Variants in PARD3B observed in about 807,000 individuals in gnomAD.
PARD3B encodes the protein par-3 family cell polarity regulator beta.
PARD3B carries 103 observed loss-of-function variants against 130.2 expected under a neutral mutation model. The ratio of observed to expected loss-of-function variants is 0.79; its 90% CI spans 0.67 to 0.93. The LOEUF is 0.93. PARD3B is among the 40% of genes least tolerant of loss of function. PARD3B has a pLI of 0.00. For missense variants in PARD3B, 1,609 were observed against 1,499.2 expected, an observed-to-expected ratio of 1.07 and a Z score of -1.21; for synonymous variants, 583 against 553.2, an observed-to-expected ratio of 1.05 and a Z score of -0.76.
intron 1 of PARD3B, among the ~76,000 whole-genome samples, chr2:204,586,367 G>A (rs1418182890): frequency 6.6e-6 from 1 of 152,170 alleles, no homozygotes; most frequent in Non-Finnish European, 1.5e-5. Context: ...GAAGACCTAT[G>A]TCTATTTTAA....
chr2:204,746,639 C>T (rs1255059926), intron 2 of PARD3B, among the ~76,000 whole-genome samples: 5 of 152,094 alleles, frequency 3.3e-5, no homozygotes, highest in Admixed American at 1.3e-4. Context: ...CTCTCCAGCA[C>T]CTGTTGTTTC....
At chr2:204,553,560 GTA>G (rs1241881286) in intron 1 of PARD3B, among the ~76,000 whole-genome samples, 149 of 66,148 alleles carry the variant, frequency 2.3e-3, no homozygotes, top group African/African-American at 3.1e-3. Flanking sequence ...GTGTGTGTGT[GTA>G]TATATATATA....
intron 1 of PARD3B, among the ~76,000 whole-genome samples, chr2:204,550,282 T>C (rs2030350128): frequency 6.6e-6 from 1 of 152,270 alleles, no homozygotes; most frequent in Admixed American, 6.5e-5. Context: ...TGTTATACTA[T>C]ACTGTTTAGG....
rs56071229 is a variant in PARD3B, at chr2:205,325,526, TTAG to T, written c.2630+23845_2630+23847del. Among the ~76,000 whole-genome samples, 63 of 150,522 alleles carry T rather than the reference TTAG, an allele frequency of 4.2e-4. No individual in the cohort carries two copies. The highest frequency in any genetic ancestry group is 6.1e-4 in the Non-Finnish European group (41 of 67,628). On this transcript the variant is annotated intron_variant, in intron 18 of 22. Coordinates refer to ENST00000406610, the MANE Select transcript of PARD3B (RefSeq NM_001302769.2). The surrounding 1 kb of genome is among the most constrained non-coding windows in gnomAD (Gnocchi z 4.1). ...TTTACTAATATCATCTCATTGTTTA[TTAG>T]TAGTAGTAGTAGTAGTAGTCTCAGA...
intron 2 of PARD3B, among the ~76,000 whole-genome samples, chr2:204,809,462 AG>A (rs1347725394): frequency 6.6e-6 from 1 of 152,126 alleles, no homozygotes; most frequent in Non-Finnish European, 1.5e-5. Flanking sequence ...ATATGATATA[AG>A]GAAATGGTCC....
In PARD3B at chr2:205,300,524, T is replaced by C. The variant is rs1447208346; in HGVS notation, c.2186-6T>C. On this transcript the variant is annotated splice_region_variant and splice_polypyrimidine_tract_variant and intron_variant, in intron 16 of 22. Transcript: ENST00000406610. This position sits in a 1 kb window ranked among gnomAD's most constrained non-coding sequence, Gnocchi z 4.1. ...GAGGGGTGACCTTTTGCCCTTTCTTTTCCAGAATCTCCAAGCAAAGATTTT... is the reference window on the plus strand; with the variant it reads ...GAGGGGTGACCTTTTGCCCTTTCTTCTCCAGAATCTCCAAGCAAAGATTTT... 1 of 1,611,522 alleles carries C rather than the reference T, an allele frequency of 6.2e-7. No homozygotes were observed. The highest frequency in any genetic ancestry group is 1.7e-5 in the Admixed American group (1 of 60,008).
intron 1 of PARD3B, among the ~76,000 whole-genome samples, chr2:204,655,528 T>C (rs1482821917): frequency 2.0e-5 from 3 of 152,192 alleles, no homozygotes; most frequent in Non-Finnish European, 2.9e-5. Context: ...TTAGAATGTT[T>C]TCTGAAATTA....
chr2:204,726,546 C>T (rs141225028), intron 2 of PARD3B, among the ~76,000 whole-genome samples: 6 of 152,270 alleles, frequency 3.9e-5, no homozygotes, highest in East Asian at 1.9e-4. Flanking sequence ...AAGCCCCAAC[C>T]GCATCTCTAA....
chr2:205,401,473 A>G (rs1489788712), intron 19 of PARD3B, among the ~76,000 whole-genome samples: 1 of 152,052 alleles, frequency 6.6e-6, no homozygotes, highest in African/African-American at 2.4e-5. Context: ...TCTGTTCCTA[A>G]TTTTAGTCAG....
intron 20 of PARD3B, among the ~76,000 whole-genome samples, chr2:205,488,602 G>A (rs186309549): frequency 1.3e-5 from 2 of 152,246 alleles, no homozygotes; most frequent in Non-Finnish European, 2.9e-5. Context: ...TCCCTTGGTT[G>A]AGCATCAGCT....
intron 2 of PARD3B, among the ~76,000 whole-genome samples, chr2:204,744,983 G>C (rs1446930094): frequency 6.6e-6 from 1 of 152,138 alleles, no homozygotes; most frequent in Non-Finnish European, 1.5e-5. Context: ...GTTGACAAGT[G>C]AGAGAGTAGA....
intron 16 of PARD3B, among the ~76,000 whole-genome samples, chr2:205,285,356 C>T (rs2041353214): frequency 6.6e-6 from 1 of 152,092 alleles, no homozygotes; most frequent in African/African-American, 2.4e-5. Context: ...GGTACTGAGG[C>T]AATACCCACT....
At chr2:205,599,945 C>T (rs1025689534) in intron 22 of PARD3B, among the ~76,000 whole-genome samples, 4 of 152,120 alleles carry the variant, frequency 2.6e-5, no homozygotes, top group African/African-American at 4.8e-5. Flanking sequence ...TGCTTTCATC[C>T]GAGAGTGTGA....
At chr2:204,739,714 C>A (rs890157226) in intron 2 of PARD3B, among the ~76,000 whole-genome samples, 3 of 152,074 alleles carry the variant, frequency 2.0e-5, no homozygotes, top group Non-Finnish European at 4.4e-5. Context: ...TGCTCCCAAA[C>A]TGCAGGGATT....
intron 13 of PARD3B, among the ~76,000 whole-genome samples, chr2:205,182,262 A>G (rs1203868829): frequency 1.3e-5 from 2 of 152,018 alleles, no homozygotes; most frequent in Non-Finnish European, 2.9e-5. Context: ...ACTGCACTCC[A>G]GCCTGGGTGA....
At position 204,950,208 on chromosome 2, in the gene PARD3B, A is replaced by AT. The variant is rs1410205289; in HGVS notation, c.223-14940dup. 2.0e-5 allele frequency among the ~76,000 whole-genome samples: 3 copies of AT among 152,076 alleles called. No individual in the cohort carries two copies. The East Asian group carries it at 5.8e-4, about 29-fold the overall frequency. On this transcript the variant is annotated intron_variant, in intron 2 of 22. Transcript: ENST00000406610. ...GTAAACCTAACCTGCCCCCCTCCCC[A>AT]TTTTGAATATATTGATAGGAACTTC... is the stretch of plus-strand genomic sequence containing the variant.
chr2:205,279,070 CAAAAA>C (rs57717513), intron 16 of PARD3B, among the ~76,000 whole-genome samples: 2 of 38,852 alleles, frequency 5.1e-5, no homozygotes, highest in Non-Finnish European at 8.8e-5. Flanking sequence ...GAATCTGTCT[CAAAAA>C]AAAAAAAAAA....
At chr2:205,383,708 A>G (rs2045564273) in intron 18 of PARD3B, among the ~76,000 whole-genome samples, 2 of 152,052 alleles carry the variant, frequency 1.3e-5, no homozygotes, top group Admixed American at 6.6e-5. Flanking sequence ...GAATAGTTCC[A>G]TAACCCCAGA....
rs187318573 is a variant in PARD3B, at chr2:204,674,648, G to T, written c.121-11533G>T. Among the ~76,000 whole-genome samples, 556 of 152,186 alleles carry T rather than the reference G, an allele frequency of 3.7e-3. 3 individuals are homozygous for T. Among genetic ancestry groups the T allele is most frequent in the African/African-American group, 0.013 (540 of 41,514 alleles). On this transcript the variant is annotated intron_variant, in intron 1 of 22. Coordinates refer to ENST00000406610, the MANE Select transcript of PARD3B (RefSeq NM_001302769.2). The stretch of plus-strand genomic sequence containing the variant: ...AAACACGGCCGCCAGTACCTCTTCT[G>T]CAATAAATTAAAATTCTCCTTTCTG...
Sources: gnomAD v4.1 joint callset for allele counts (sites outside exome capture counted in the v4.1 genomes callset) on GRCh38, gnomAD v4.1.1 for gene constraint, Gnocchi (gnomAD v3.1) non-coding constraint, MANE v1.5 for transcripts, NCBI Gene and HGNC (gene_info 2026-07-23, HGNC 2026-07-21) for gene names.